Variants in SESTD1 observed in about 807,000 individuals in gnomAD.
SESTD1 encodes SEC14 and spectrin domain containing 1.
Under a neutral mutation model 101.7 loss-of-function variants are expected in SESTD1, and 43 were observed. The observed-to-expected ratio is 0.42, with a 90% CI of 0.33 to 0.55. SESTD1 has a LOEUF of 0.55. SESTD1 is among the 20% of genes least tolerant of loss of function. The pLI, the probability that SESTD1 is intolerant of heterozygous loss-of-function variation, is 0.07. For missense variants in SESTD1, 647 were observed against 815.1 expected (o/e 0.79, Z 2.51); for synonymous variants, 283 against 286.8 (o/e 0.99, Z 0.13).
chr2:179,126,978 T>C (rs1010735426), intron 10 of SESTD1, among the ~76,000 whole-genome samples: 1 of 152,204 alleles, frequency 6.6e-6, no homozygotes, highest in African/African-American at 2.4e-5. Context: ...TGTTCCCTAT[T>C]TTCCACACAA....
At position 179,153,735 on chromosome 2, in the gene SESTD1, AT is replaced by A. The variant is rs139767078; in HGVS notation, c.370-2345del. Among the ~76,000 whole-genome samples, 274 of 152,320 alleles carry A rather than the reference AT, an allele frequency of 1.8e-3. 6 individuals are homozygous for A. In the East Asian group the frequency reaches 0.051, roughly 28 times the overall value. On this transcript the variant is annotated intron_variant, in intron 5 of 17. Coordinates refer to ENST00000428443, the MANE Select transcript of SESTD1 (RefSeq NM_178123.5). ...ACACCATGATGAGTGAGCTTGGAAC[AT>A]CTTACCCAGACATCAAAAAAGCTAT...
intron 1 of SESTD1, among the ~76,000 whole-genome samples, chr2:179,205,045 C>A (rs1376687231): frequency 7.4e-6 from 1 of 134,692 alleles, no homozygotes; most frequent in Non-Finnish European, 1.6e-5. Flanking sequence ...TTTCTCCATC[C>A]TTCTCATCAA....
chr2:179,210,269 T>A (rs776211892), intron 1 of SESTD1, among the ~76,000 whole-genome samples: 1 of 132,620 alleles, frequency 7.5e-6, no homozygotes, highest in African/African-American at 3.1e-5. Flanking sequence ...CAAAGAAGAA[T>A]TGGTATCAAT....
intron 2 of SESTD1, among the ~76,000 whole-genome samples, chr2:179,191,063 TC>T (rs2046312674): frequency 1.3e-5 from 2 of 152,122 alleles, no homozygotes; most frequent in South Asian, 4.1e-4. Flanking sequence ...AATCCAGCAA[TC>T]CCATTACTGT....
At chr2:179,194,023 CA>C (rs1468311755) in intron 1 of SESTD1, among the ~76,000 whole-genome samples, 5 of 152,150 alleles carry the variant, frequency 3.3e-5, no homozygotes, top group Non-Finnish European at 7.3e-5. Flanking sequence ...GCTGAATGTG[CA>C]TGACTATATT....
At chr2:179,251,174 T>C (rs1043699133) in intron 1 of SESTD1, among the ~76,000 whole-genome samples, 1 of 152,056 alleles carries the variant, frequency 6.6e-6, no homozygotes, top group Non-Finnish European at 1.5e-5. Context: ...CAAAAATATA[T>C]ATACAATAAG....
intron 10 of SESTD1, among the ~76,000 whole-genome samples, chr2:179,128,439 G>A (rs1042730801): frequency 1.3e-5 from 2 of 152,014 alleles, no homozygotes; most frequent in Non-Finnish European, 2.9e-5. Context: ...CCTAAAAAAC[G>A]GGTATGTACG....
At chr2:179,202,800 T>C (rs1021925443) in intron 1 of SESTD1, among the ~76,000 whole-genome samples, 2 of 135,494 alleles carry the variant, frequency 1.5e-5, no homozygotes, top group African/African-American at 5.8e-5. Context: ...TGGATTCAGC[T>C]GGTCACCAGT....
chr2:179,169,974 C>CA (rs35057148), intron 5 of SESTD1, among the ~76,000 whole-genome samples: 1,351 of 81,840 alleles, frequency 0.017, 12 homozygotes, highest in African/African-American at 0.029. Context: ...AACTCCATCT[C>CA]AAAAAAAAAA....
intron 1 of SESTD1, among the ~76,000 whole-genome samples, chr2:179,256,071 A>G (rs1196343598): frequency 6.6e-6 from 1 of 152,210 alleles, no homozygotes; most frequent in Non-Finnish European, 1.5e-5. Context: ...TTGGCAATGC[A>G]CCTGGTCATC....
At chr2:179,169,611 CCAA>C (rs2045895384) in intron 5 of SESTD1, among the ~76,000 whole-genome samples, 1 of 152,130 alleles carries the variant, frequency 6.6e-6, no homozygotes, top group African/African-American at 2.4e-5. Flanking sequence ...AACACTCCAT[CCAA>C]CAACAGAATA....
intron 16 of SESTD1, 88 bp from the exon 17 acceptor site, chr2:179,112,933 GAGAAA>G: frequency 1.4e-6 from 2 of 1,456,486 alleles, no homozygotes; most frequent in Non-Finnish European, 1.8e-6. Flanking sequence ...AAAAAAAAGA[GAGAAA>G]AGAAAGACAC....
chr2:179,152,835 T>C (rs914922641), intron 5 of SESTD1, among the ~76,000 whole-genome samples: 7 of 151,996 alleles, frequency 4.6e-5, no homozygotes, highest in African/African-American at 1.4e-4. Flanking sequence ...TAGTGAATAA[T>C]GAGCTAAGTG....
chr2:179,102,179 A>C lies in SESTD1; in HGVS notation c.*7720T>G, dbSNP rs923144305. 1 of 152,164 alleles carries C rather than the reference A, an allele frequency of 6.6e-6. No homozygotes were observed. The highest frequency in any genetic ancestry group is 1.5e-5 in the Non-Finnish European group (1 of 68,014). The allele number at this position is 152,164 out of a possible 1,614,324, so 9.4% of individuals were successfully genotyped here. A position where few individuals can be genotyped will look rare whatever the true frequency, so the allele number is the denominator to read the frequency against. On this transcript the variant is annotated 3_prime_UTR_variant, in exon 18 of 18. Transcript: ENST00000428443. ...TGACAACATGAGACGTAGAGAAAGC[A>C]CTGAACTTCTGTGCCAAGCCTGTGG...
intron 9 of SESTD1, 119 bp from the exon 10 acceptor site, chr2:179,132,545 T>TTAAAAA: frequency 8.9e-7 from 1 of 1,123,620 alleles, no homozygotes; most frequent in Non-Finnish European, 1.2e-6. Context: ...ATTATTTACA[T>TTAAAAA]TCTATCACAT....
Position 179,107,553 on chromosome 2 carries a change from T to C in SESTD1, c.*2346A>G, listed in dbSNP as rs1020413321. 6.6e-5 allele frequency: 10 copies of C among 152,268 alleles called. No individual in the cohort carries two copies. The highest frequency in any genetic ancestry group is 2.4e-4 in the African/African-American group (10 of 41,572). 9.4% of individuals were successfully genotyped at this position (152,268 alleles called of 1,614,324 possible). A position where few individuals can be genotyped will look rare whatever the true frequency, so the allele number is the denominator to read the frequency against. The stretch of plus-strand genomic sequence containing the variant: ...AAGAAACAGATATTGAGTATTGATA[T>C]TTAGTTATTGAGTATAACTAAATAT... On this transcript the variant is annotated 3_prime_UTR_variant, in exon 18 of 18. Transcript: ENST00000428443.
chr2:179,244,659 A>C (rs1273016490), intron 1 of SESTD1, among the ~76,000 whole-genome samples: 2 of 152,224 alleles, frequency 1.3e-5, no homozygotes, highest in Non-Finnish European at 2.9e-5. Context: ...CCTCAAAAGA[A>C]TGGCTAAAAG....
chr2:179,241,706 A>G (rs963399567), intron 1 of SESTD1, among the ~76,000 whole-genome samples: 9 of 152,216 alleles, frequency 5.9e-5, no homozygotes, highest in Admixed American at 5.9e-4. Flanking sequence ...GCAGATCACG[A>G]GGTCAGGAGA....
intron 12 of SESTD1, 130 bp downstream of exon 12, chr2:179,123,585 T>TATA: frequency 1.5e-6 from 1 of 647,824 alleles, no homozygotes; most frequent in South Asian, 2.2e-5. Context: ...AAAATCTTTT[T>TATA]ATACTATTTT....
Sources: allele counts gnomAD v4.1 joint callset (sites outside exome capture counted in the v4.1 genomes callset), GRCh38; gene constraint gnomAD v4.1.1; transcripts MANE v1.5; gene names NCBI Gene and HGNC (gene_info 2026-07-23, HGNC 2026-07-21).